Variants in XRRA1 observed in about 807,000 individuals in gnomAD.
XRRA1 encodes the protein X-ray radiation resistance-associated protein 1.
XRRA1 carries 69 observed loss-of-function variants against 80.2 expected under a neutral mutation model. The ratio of observed to expected loss-of-function variants is 0.86; its 90% CI spans 0.71 to 1.05. The LOEUF (loss-of-function observed/expected upper bound fraction) is 1.05, where lower values mean the gene tolerates loss of function less well. XRRA1 is among the 50% of genes least tolerant of loss of function. The pLI is 0.00. For synonymous variants in XRRA1, 348 were observed against 389.9 expected (o/e 0.89, Z 1.27); for missense variants, 967 against 976.4 (o/e 0.99, Z 0.13).
intron 2 of XRRA1, 145 bp from the exon 3 acceptor site, chr11:74,941,027 T>A: frequency 1.6e-6 from 1 of 615,364 alleles, no homozygotes; most frequent in Non-Finnish European, 2.9e-6. Context: ...CCCACTGCCC[T>A]TGCTTCAGAA....
intron 10 of XRRA1, among the ~76,000 whole-genome samples, chr11:74,872,332 A>G (rs1387863601): frequency 6.6e-6 from 1 of 152,194 alleles, no homozygotes. Context: ...TTATACTGGC[A>G]GCTCCCAATA....
At chr11:74,844,130 CA>C (rs761869760) in intron 17 of XRRA1, 37 bp downstream of exon 17, 1 of 1,586,904 alleles carries the variant, frequency 6.3e-7, no homozygotes, top group Non-Finnish European at 8.7e-7. Context: ...GGGCGGTACT[CA>C]GGGGCCATTT....
At chr11:74,897,509 A>C (rs1422441852) in intron 10 of XRRA1, among the ~76,000 whole-genome samples, 1 of 152,082 alleles carries the variant, frequency 6.6e-6, no homozygotes, top group Non-Finnish European at 1.5e-5. Flanking sequence ...AAGCATAAGA[A>C]AGTTATAGAA....
chr11:74,858,344 T>C (rs1007794946), intron 12 of XRRA1, among the ~76,000 whole-genome samples: 5 of 152,156 alleles, frequency 3.3e-5, no homozygotes, highest in African/African-American at 1.2e-4. Flanking sequence ...GATATCCACA[T>C]GCAAAAGAAT....
Position 74,907,242 on chromosome 11 carries a change from T to G in XRRA1, c.688A>C (p.Arg230=), listed in dbSNP as rs1555076958. 1.2e-6 allele frequency: 2 copies of G among 1,613,834 alleles called. No individual in the cohort carries two copies. The highest frequency in any genetic ancestry group is 8.5e-7 in the Non-Finnish European group (1 of 1,179,862). ...AGCGCTGGGAACCTCAGGATGTACC[T>G]CTTGCTTGTCAGCGATGTTACAGAT... ...EASVTSLTSK[R]YILRFPALET... Residue 230 remains arginine (R), a synonymous_variant, in exon 9 of 19, where the codon AGG becomes CGG. Transcript: ENST00000684022.
At chr11:74,938,343 G>T (rs1945529399) in intron 3 of XRRA1, among the ~76,000 whole-genome samples, 1 of 152,182 alleles carries the variant, frequency 6.6e-6, no homozygotes, top group Admixed American at 6.5e-5. Context: ...CATGAACTTT[G>T]CTTCTACTTT....
chr11:74,870,056 A>G (rs981336385), intron 10 of XRRA1, among the ~76,000 whole-genome samples: 2 of 152,314 alleles, frequency 1.3e-5, no homozygotes, highest in Admixed American at 6.5e-5. Flanking sequence ...CCAAATCTTT[A>G]CTTTCATTTT....
At chr11:74,863,285 T>C (rs894079850) in intron 10 of XRRA1, 3 of 493,466 alleles carry the variant, frequency 6.1e-6, no homozygotes, top group Non-Finnish European at 1.1e-5. Context: ...TGCCTACTTC[T>C]TCAGTCTCAT....
At chr11:74,882,817 C>A (rs994248418) in intron 10 of XRRA1, among the ~76,000 whole-genome samples, 2 of 152,226 alleles carry the variant, frequency 1.3e-5, no homozygotes, top group African/African-American at 4.8e-5. Flanking sequence ...CCCAGTTAGG[C>A]TGCTTGGGGG....
chr11:74,933,086 GTAAGT>G (rs1268768655), intron 5 of XRRA1, among the ~76,000 whole-genome samples: 5 of 152,154 alleles, frequency 3.3e-5, no homozygotes, highest in Admixed American at 6.5e-5. Context: ...CACAGCACCT[GTAAGT>G]TAGGAACGAA....
intron 8 of XRRA1, among the ~76,000 whole-genome samples, chr11:74,908,110 T>C (rs978228751): frequency 1.3e-5 from 2 of 152,194 alleles, no homozygotes; most frequent in Non-Finnish European, 2.9e-5. Context: ...GCATATAGTA[T>C]ACACATATAT....
At chr11:74,874,798 A>G (rs754220596) in intron 10 of XRRA1, among the ~76,000 whole-genome samples, 14 of 152,126 alleles carry the variant, frequency 9.2e-5, no homozygotes, top group Non-Finnish European at 1.8e-4. Context: ...GTACAGACCT[A>G]TGCAGCCAGG....
At chr11:74,867,888 C>T (rs181400377) in intron 10 of XRRA1, among the ~76,000 whole-genome samples, 2 of 148,784 alleles carry the variant, frequency 1.3e-5, no homozygotes, top group African/African-American at 4.9e-5. Flanking sequence ...TCAGCACAAA[C>T]CAGAGGAGAA....
chr11:74,948,291 T>C (rs1468181765), intron 1 of XRRA1, among the ~76,000 whole-genome samples: 1 of 151,256 alleles, frequency 6.6e-6, no homozygotes, highest in Non-Finnish European at 1.5e-5. Context: ...ATCCCCTGTA[T>C]CCGTTAGTAC....
intron 10 of XRRA1, among the ~76,000 whole-genome samples, chr11:74,874,289 A>ATTTC (rs1172280736): frequency 6.7e-6 from 1 of 148,334 alleles, no homozygotes; most frequent in Non-Finnish European, 1.5e-5. Flanking sequence ...GCTAAAACTC[A>ATTTC]TTTCCTAACC....
chr11:74,848,174 T>C lies in XRRA1; in HGVS notation c.1669A>G (p.Ser557Gly). ...TCCTCATCTGATGGGCGCTCTGGGC[T>C]GAGGCGGACAGTTGTGTCACTCAGG... is the stretch of plus-strand genomic sequence containing the variant. ...SHLSDTTVRL[S>G]PERPSDEDSK... The change falls in exon 15 of 19, where the codon AGC (serine) becomes GGC (glycine). Residue 557 changes from serine to glycine, a missense_variant. Physicochemically the swap from Ser to Gly is moderately conservative, Grantham distance 56. Coordinates refer to ENST00000684022, the MANE Select transcript of XRRA1 (RefSeq NM_001378157.1). The C allele has an allele frequency of 1.9e-6, 3 of 1,613,676 alleles. No individual in the cohort carries two copies. Among genetic ancestry groups the C allele is most frequent in the Non-Finnish European group, 2.5e-6 (3 of 1,179,888 alleles).
At chr11:74,844,681 A>G (rs931628800) in intron 16 of XRRA1, among the ~76,000 whole-genome samples, 4 of 152,234 alleles carry the variant, frequency 2.6e-5, no homozygotes, top group Non-Finnish European at 4.4e-5. Context: ...CTTTGCCTCC[A>G]ACCAGATAGG....
chr11:74,874,233 CAAAAAAAAAAAAA>C (rs367875228), intron 10 of XRRA1, among the ~76,000 whole-genome samples: 3 of 48,310 alleles, frequency 6.2e-5, no homozygotes, highest in Non-Finnish European at 7.3e-5. Context: ...GACTCCGTCT[CAAAAAAAAAAAAA>C]AAAAAAAAAA....
chr11:74,852,646 C>A (rs911880005), intron 12 of XRRA1, among the ~76,000 whole-genome samples: 4 of 152,168 alleles, frequency 2.6e-5, no homozygotes, highest in Non-Finnish European at 5.9e-5. Flanking sequence ...TTAAGAGAGA[C>A]CTCATGGCTG....
Sources: allele counts gnomAD v4.1 joint callset (sites outside exome capture counted in the v4.1 genomes callset), GRCh38; gene constraint gnomAD v4.1.1; transcripts MANE v1.5; gene names NCBI Gene and HGNC (gene_info 2026-07-23, HGNC 2026-07-21).